Variants in BMERB1 observed in about 807,000 individuals in gnomAD.
The protein encoded by BMERB1 is bMERB domain containing 1, also known as bMERB domain-containing protein 1.
BMERB1 carries 12 observed loss-of-function variants against 23.6 expected under a neutral mutation model. The observed-to-expected ratio is 0.51, with a 90% CI of 0.33 to 0.82. The LOEUF (loss-of-function observed/expected upper bound fraction) is 0.82. Ranked by LOEUF, BMERB1 falls within the 40% of genes least tolerant of loss-of-function variation. The probability of loss-of-function intolerance (pLI) is 0.03; values close to 1 mark genes in which losing one functional copy is unlikely to be tolerated. For missense variants in BMERB1, 247 were observed against 255.4 expected (o/e 0.97, Z 0.22); for synonymous variants, 122 against 96.6 (o/e 1.26, Z -1.54).
At chr16:15,533,459 A>T (rs897569641) in intron 2 of BMERB1, among the ~76,000 whole-genome samples, 1 of 151,224 alleles carries the variant, frequency 6.6e-6, no homozygotes, top group Non-Finnish European at 1.5e-5. Flanking sequence ...CAGTGGTTCA[A>T]TCTTGGTTCA....
chr16:15,531,053 C>G (rs1348095185), intron 2 of BMERB1, among the ~76,000 whole-genome samples: 1 of 151,866 alleles, frequency 6.6e-6, no homozygotes, highest in Admixed American at 6.6e-5. Flanking sequence ...TACAGGCACC[C>G]GCTGCCATGC....
intron 2 of BMERB1, among the ~76,000 whole-genome samples, chr16:15,521,539 C>T (rs536209930): frequency 3.3e-5 from 5 of 152,178 alleles, no homozygotes; most frequent in Admixed American, 3.3e-4. Context: ...TGCCCTGAAT[C>T]AGGCCCAGGA....
At chr16:15,498,624 GAGAA>G (rs1467255450) in intron 1 of BMERB1, among the ~76,000 whole-genome samples, 7 of 150,750 alleles carry the variant, frequency 4.6e-5, no homozygotes, top group African/African-American at 1.2e-4. Flanking sequence ...AAAAAAGAAA[GAGAA>G]AGGAAGAAAG....
At chr16:15,464,784 T>C (rs2051167592) in intron 1 of BMERB1, among the ~76,000 whole-genome samples, 1 of 152,144 alleles carries the variant, frequency 6.6e-6, no homozygotes. Context: ...TCTGACACCA[T>C]CTTGGATTGG....
intron 2 of BMERB1, among the ~76,000 whole-genome samples, chr16:15,548,741 A>G (rs1322831486): frequency 6.6e-6 from 1 of 152,232 alleles, no homozygotes; most frequent in African/African-American, 2.4e-5. Context: ...ACTAATCACT[A>G]GCATGCTGAA....
intron 2 of BMERB1, among the ~76,000 whole-genome samples, chr16:15,562,213 G>A (rs116392560): frequency 0.056 from 8,260 of 147,874 alleles, 275 homozygotes; most frequent in South Asian, 0.082. Context: ...TTAGGTAGGA[G>A]AATCACTTGA....
At chr16:15,576,497 C>G (rs1372171540) in intron 3 of BMERB1, among the ~76,000 whole-genome samples, 1 of 152,088 alleles carries the variant, frequency 6.6e-6, no homozygotes, top group East Asian at 1.9e-4. Context: ...TATGTAAGCA[C>G]AAAACAAACA....
intron 2 of BMERB1, among the ~76,000 whole-genome samples, chr16:15,545,129 C>T (rs1233769915): frequency 2.6e-5 from 4 of 152,080 alleles, no homozygotes; most frequent in Non-Finnish European, 5.9e-5. Flanking sequence ...CCCGCCACCA[C>T]GCCTGACTAA....
chr16:15,543,299 T>C (rs1397734749), intron 2 of BMERB1, among the ~76,000 whole-genome samples: 4 of 152,076 alleles, frequency 2.6e-5, no homozygotes, highest in Admixed American at 6.6e-5. Flanking sequence ...GCCTGGGGTT[T>C]GGGGTTCTTA....
intron 1 of BMERB1, among the ~76,000 whole-genome samples, chr16:15,504,186 C>T (rs2051559439): frequency 6.6e-6 from 1 of 152,176 alleles, no homozygotes; most frequent in East Asian, 1.9e-4. Context: ...TGCCCAGAAC[C>T]ACTCCCCTCT....
intron 2 of BMERB1, chr16:15,532,879 C>T: frequency 2.5e-6 from 1 of 402,938 alleles, no homozygotes; most frequent in Admixed American, 2.9e-5. Flanking sequence ...ATATCCTGGT[C>T]TTGGATGGGG....
intron 2 of BMERB1, among the ~76,000 whole-genome samples, chr16:15,554,823 C>T (rs991026469): frequency 2.2e-4 from 34 of 151,860 alleles, no homozygotes; most frequent in Middle Eastern, 6.8e-3. Flanking sequence ...CCCGCCACCA[C>T]GCCCGGCTGA....
At chr16:15,559,274 A>C (rs967337078) in intron 2 of BMERB1, among the ~76,000 whole-genome samples, 1 of 152,248 alleles carries the variant, frequency 6.6e-6, no homozygotes, top group Non-Finnish European at 1.5e-5. Flanking sequence ...TAGCCAAAGC[A>C]AATGGGATTC....
At chr16:15,527,232 C>T (rs1432846419) in intron 2 of BMERB1, among the ~76,000 whole-genome samples, 1 of 152,164 alleles carries the variant, frequency 6.6e-6, no homozygotes, top group Admixed American at 6.5e-5. Context: ...ACTCACTCCC[C>T]ATTTTCCCTT....
At chr16:15,537,781 T>A (rs1212013045) in intron 2 of BMERB1, among the ~76,000 whole-genome samples, 1 of 151,596 alleles carries the variant, frequency 6.6e-6, no homozygotes, top group Non-Finnish European at 1.5e-5. Context: ...CCTCAGCCCC[T>A]TGAGTAGTGG....
chr16:15,585,138 T>G (rs75272266), intron 5 of BMERB1, among the ~76,000 whole-genome samples: 1,947 of 152,370 alleles, frequency 0.013, 32 homozygotes, highest in Middle Eastern at 0.024. Context: ...TCTCTTCTGC[T>G]GGCTCCTATA....
chr16:15,559,281 A>G (rs1444749749), intron 2 of BMERB1, among the ~76,000 whole-genome samples: 1 of 152,194 alleles, frequency 6.6e-6, no homozygotes, highest in Non-Finnish European at 1.5e-5. Context: ...AGCAAATGGG[A>G]TTCTGTGACT....
At chr16:15,525,723 AAAG>A (rs1228943270) in intron 2 of BMERB1, among the ~76,000 whole-genome samples, 1 of 152,030 alleles carries the variant, frequency 6.6e-6, no homozygotes, top group African/African-American at 2.4e-5. Context: ...AAAAAAGAAA[AAAG>A]AAAAGAATAA....
chr16:15,466,875 C>T (rs1208609590), intron 1 of BMERB1, among the ~76,000 whole-genome samples: 1 of 152,170 alleles, frequency 6.6e-6, no homozygotes, highest in African/African-American at 2.4e-5. Flanking sequence ...CATTCAACCC[C>T]TAGCAACAAC....
Sources: allele counts gnomAD v4.1 joint callset (sites outside exome capture counted in the v4.1 genomes callset), GRCh38; gene constraint gnomAD v4.1.1; transcripts MANE v1.5; gene names NCBI Gene and HGNC (gene_info 2026-07-23, HGNC 2026-07-21).